The following NIPAL1 variants were observed in gnomAD, a reference collection of about 807,000 sequenced individuals.
NIPAL1 encodes magnesium transporter NIPA3.
Under a neutral mutation model 37.7 loss-of-function variants are expected in NIPAL1, and 35 were observed. The ratio of observed to expected loss-of-function variants is 0.93; its 90% CI spans 0.71 to 1.23. The LOEUF is 1.23. Ranked by LOEUF, NIPAL1 falls within the 50% of genes most tolerant of loss-of-function variation. The pLI, the probability that NIPAL1 is intolerant of heterozygous loss-of-function variation, is 0.00. For synonymous variants in NIPAL1, 162 were observed against 183.0 expected, an observed-to-expected ratio of 0.89 and a Z score of 0.93; for missense variants, 412 against 473.9, an observed-to-expected ratio of 0.87 and a Z score of 1.21.
intron 1 of NIPAL1, among the ~76,000 whole-genome samples, chr4:48,019,965 T>TA (rs1382350146): frequency 1.3e-5 from 2 of 152,328 alleles, no homozygotes; most frequent in East Asian, 3.9e-4. Flanking sequence ...AATCCTGTTT[T>TA]AAAAAATATA....
intron 3 of NIPAL1, 30 bp downstream of exon 3, chr4:48,030,206 A>G (rs763334624): frequency 7.6e-7 from 1 of 1,311,664 alleles, no homozygotes; most frequent in South Asian, 1.2e-5. Flanking sequence ...AATACTGTTT[A>G]TTTGTAAGAT....
chr4:48,032,958 C>T, intron 3 of NIPAL1, 35 bp from the exon 4 acceptor site: 5 of 1,468,812 alleles, frequency 3.4e-6, no homozygotes, highest in Non-Finnish European at 4.8e-6. Context: ...CAAGTAAGCC[C>T]ATTTTTTATA....
intron 3 of NIPAL1, among the ~76,000 whole-genome samples, chr4:48,031,148 T>G (rs866955069): frequency 1.3e-5 from 2 of 152,124 alleles, no homozygotes; most frequent in Middle Eastern, 3.2e-3. Context: ...CACTGCAGCC[T>G]CTGCATCCCA....
Position 48,035,637 on chromosome 4 carries a change from A to G in NIPAL1, c.698A>G (p.Gln233Arg), listed in dbSNP as rs1276707717. 1.9e-6 allele frequency: 3 copies of G among 1,613,702 alleles called. No homozygotes were observed. The highest frequency in any genetic ancestry group is 3.3e-5 in the Admixed American group (2 of 59,886). Residue 233 changes from glutamine to arginine, a missense_variant, in exon 6 of 6, where the codon CAG becomes CGG. Gln to Arg is a conservative substitution (Grantham distance 43). Transcript: ENST00000295461. The part of the protein sequence containing the change: ...LILIVAPKKG[Q>R]TNILVYISIC... ...TTGATTGTGGCTCCCAAGAAAGGAC[A>G]GACCAATATATTGGTTTATATTTCA...
In NIPAL1 at chr4:48,038,583, G is replaced by C. The variant is rs1439557146; in HGVS notation, c.*2411G>C. On this transcript the variant is annotated 3_prime_UTR_variant, in exon 6 of 6. Transcript: ENST00000295461. ...TGATTGTGCCACTGCATTCCAGCCTGGGTGACAAGAGTGAGACCCTGACCC... is the reference window on the plus strand; with the variant it reads ...TGATTGTGCCACTGCATTCCAGCCTCGGTGACAAGAGTGAGACCCTGACCC... 1 of 152,168 alleles carries C rather than the reference G, an allele frequency of 6.6e-6. No homozygotes were observed. Among genetic ancestry groups the C allele is most frequent in the Non-Finnish European group, 1.5e-5 (1 of 68,034 alleles). The allele number at this position is 152,168 out of a possible 1,614,324, so 9.4% of individuals were successfully genotyped here. A position where few individuals can be genotyped will look rare whatever the true frequency, so the allele number is the denominator to read the frequency against.
In NIPAL1 at chr4:48,016,982, T is replaced by C; in HGVS notation, c.46+97T>C. 3 of 1,006,754 alleles carry C rather than the reference T, an allele frequency of 3.0e-6. No individual in the cohort carries two copies. The South Asian group carries it at 4.5e-5, about 15-fold the overall frequency. 62.4% of individuals were successfully genotyped at this position (1,006,754 alleles called of 1,614,324 possible). A position where few individuals can be genotyped will look rare whatever the true frequency, so the allele number is the denominator to read the frequency against. On this transcript the variant is annotated intron_variant, in intron 1 of 5. Coordinates refer to ENST00000295461, the MANE Select transcript of NIPAL1 (RefSeq NM_207330.3). ...ACTTGCGGAGACTGGAAAGGGGGGCTGTACCGACTCTAAACGTAGTCGTTC... is the reference window on the plus strand; with the variant it reads ...ACTTGCGGAGACTGGAAAGGGGGGCCGTACCGACTCTAAACGTAGTCGTTC...
At chr4:48,026,335 T>C (rs1466000367) in intron 2 of NIPAL1, among the ~76,000 whole-genome samples, 2 of 152,190 alleles carry the variant, frequency 1.3e-5, no homozygotes, top group Admixed American at 1.3e-4. Flanking sequence ...TCAAGTGTAC[T>C]ATAAGATCTA....
At chr4:48,029,659 T>A (rs985482229) in intron 2 of NIPAL1, among the ~76,000 whole-genome samples, 1 of 152,132 alleles carries the variant, frequency 6.6e-6, no homozygotes, top group Non-Finnish European at 1.5e-5. Flanking sequence ...CAGATTGAAA[T>A]GACATACCAT....
chr4:48,024,968 T>G (rs146198771), intron 1 of NIPAL1, 100 bp from the exon 2 acceptor site: 1 of 1,017,728 alleles, frequency 9.8e-7, no homozygotes, highest in African/African-American at 1.6e-5. Context: ...GTAAAATGTT[T>G]CAGTACCATC....
At chr4:48,030,774 T>G (rs1212654694) in intron 3 of NIPAL1, among the ~76,000 whole-genome samples, 3 of 152,228 alleles carry the variant, frequency 2.0e-5, no homozygotes, top group South Asian at 2.1e-4. Context: ...CAGCCACTTT[T>G]GCTGACTTCA....
At position 48,016,847 on chromosome 4, in the gene NIPAL1, C is replaced by A; in HGVS notation, c.8C>A (p.Ala3Glu). 2 of 1,588,134 alleles carry A rather than the reference C, an allele frequency of 1.3e-6. No individual in the cohort carries two copies. Among genetic ancestry groups the A allele is most frequent in the Non-Finnish European group, 1.7e-6 (2 of 1,170,710 alleles). ...AAGCCCGCTCCCGGGGCCATGGGGG[C>A]ACAGGTGAGGCTGCCGCCCGGAGAG... MG[A>E]QVRLPPGEPC... The change falls in exon 1 of 6, where the codon GCA becomes GAA. Residue 3 changes from alanine (A) to glutamate (E), a missense_variant. Physicochemically the swap from Ala to Glu is moderately radical, Grantham distance 107 (BLOSUM62 -1). Coordinates refer to ENST00000295461, the MANE Select transcript of NIPAL1 (RefSeq NM_207330.3).
intron 2 of NIPAL1, among the ~76,000 whole-genome samples, chr4:48,026,360 A>T (rs1170082391): frequency 1.3e-5 from 2 of 152,156 alleles, no homozygotes; most frequent in Admixed American, 1.3e-4. Flanking sequence ...TTTTTCTAAC[A>T]TCCATATGGA....
In NIPAL1 at chr4:48,016,834, G is replaced by A. The variant is rs1305049304; in HGVS notation, c.-6G>A. ...GCCCGCGTTCCGGAAGCCCGCTCCC[G>A]GGGCCATGGGGGCACAGGTGAGGCT... On this transcript the variant is annotated 5_prime_UTR_variant, in exon 1 of 6. Coordinates refer to ENST00000295461, the MANE Select transcript of NIPAL1 (RefSeq NM_207330.3). 1.3e-6 allele frequency: 2 copies of A among 1,578,124 alleles called. No individual in the cohort carries two copies. Among genetic ancestry groups the A allele is most frequent in the Non-Finnish European group, 1.7e-6 (2 of 1,166,472 alleles).
At chr4:48,033,812 C>A (rs1715870234) in intron 4 of NIPAL1, among the ~76,000 whole-genome samples, 2 of 152,178 alleles carry the variant, frequency 1.3e-5, no homozygotes, top group Admixed American at 1.3e-4. Flanking sequence ...TTACCAACCT[C>A]TAGTATAAAA....
chr4:48,032,171 G>A (rs1715836983), intron 3 of NIPAL1, among the ~76,000 whole-genome samples: 2 of 152,122 alleles, frequency 1.3e-5, no homozygotes, highest in South Asian at 2.1e-4. Context: ...GCCAGACAAA[G>A]GGAAAAAGAA....
chr4:48,017,642 G>T (rs78384426), intron 1 of NIPAL1, among the ~76,000 whole-genome samples: 16,991 of 152,198 alleles, frequency 0.11, 1,269 homozygotes, highest in South Asian at 0.27. Context: ...AACACTGGCG[G>T]GTTTTCTGCA....
At chr4:48,033,880 T>G (rs1715871388) in intron 4 of NIPAL1, among the ~76,000 whole-genome samples, 1 of 152,208 alleles carries the variant, frequency 6.6e-6, no homozygotes, top group African/African-American at 2.4e-5. Context: ...TTATGAAAAT[T>G]AAGTGAGTTA....
At chr4:48,025,359 A>AT in intron 2 of NIPAL1, 25 bp downstream of exon 2, 1 of 1,606,096 alleles carries the variant, frequency 6.2e-7, no homozygotes, top group South Asian at 1.1e-5. Context: ...CAACTAATGA[A>AT]TTTAAGTTTC....
At chr4:48,017,338 G>T (rs911177725) in intron 1 of NIPAL1, among the ~76,000 whole-genome samples, 18 of 152,288 alleles carry the variant, frequency 1.2e-4, no homozygotes, top group African/African-American at 3.6e-4. Context: ...TGCGCCCTGC[G>T]CTGGCTCCCG....
Sources: allele counts gnomAD v4.1 joint callset (sites outside exome capture counted in the v4.1 genomes callset), GRCh38; gene constraint gnomAD v4.1.1; transcripts MANE v1.5; gene names NCBI Gene and HGNC (gene_info 2026-07-23, HGNC 2026-07-21).